KIAA0319: variants seen among roughly 807,000 people sequenced by gnomAD.
KIAA0319 encodes the protein KIAA0319, also known as dyslexia-associated protein KIAA0319.
In KIAA0319, 83 loss-of-function variants were observed where a neutral mutation model predicts 108.4. The observed-to-expected ratio is 0.77, with a 90% CI of 0.64 to 0.92. KIAA0319 has a LOEUF of 0.92. KIAA0319 is among the 40% of genes least tolerant of loss of function. The probability of loss-of-function intolerance (pLI) is 0.00; values close to 1 mark genes in which losing one functional copy is unlikely to be tolerated. For synonymous variants in KIAA0319, 484 were observed against 510.4 expected, an observed-to-expected ratio of 0.95 and a Z score of 0.70; for missense variants, 1,195 against 1,322.4, an observed-to-expected ratio of 0.90 and a Z score of 1.49.
intron 2 of KIAA0319, 28 bp from the exon 3 acceptor site, chr6:24,596,646 G>A (rs1178475201): frequency 6.4e-7 from 1 of 1,562,974 alleles, no homozygotes. Context: ...TCTAATGAGG[G>A]AGAGAGGCAT....
At chr6:24,605,900 G>A (rs7743901) in intron 1 of KIAA0319, among the ~76,000 whole-genome samples, 3,281 of 151,186 alleles carry the variant, frequency 0.022, 96 homozygotes, top group African/African-American at 0.069. Context: ...TCTGACATAG[G>A]TTTTTAAACA....
At chr6:24,591,330 A>G (rs1005358517) in intron 3 of KIAA0319, among the ~76,000 whole-genome samples, 1 of 152,194 alleles carries the variant, frequency 6.6e-6, no homozygotes, top group African/African-American at 2.4e-5. Flanking sequence ...CACTGGGGCC[A>G]GGCATAATTG....
chr6:24,602,538 C>T (rs867230140), intron 1 of KIAA0319, among the ~76,000 whole-genome samples: 2 of 152,174 alleles, frequency 1.3e-5, no homozygotes. Context: ...CGGTGGCTCA[C>T]GCCTGTAATC....
At chr6:24,541,349 A>G (rs1276682093), downstream of KIAA0319, among the ~76,000 whole-genome samples, 1 of 152,144 alleles carries the variant, frequency 6.6e-6, no homozygotes, top group Non-Finnish European at 1.5e-5. Flanking sequence ...TCTTCTTCTA[A>G]TAAGAAAACC....
At chr6:24,621,858 C>T (rs533430103) in intron 1 of KIAA0319, among the ~76,000 whole-genome samples, 2 of 152,284 alleles carry the variant, frequency 1.3e-5, no homozygotes, top group Admixed American at 6.5e-5. Context: ...AAGCCCTGAG[C>T]CAATGGATGC....
intron 1 of KIAA0319, among the ~76,000 whole-genome samples, chr6:24,604,370 G>A (rs998449661): frequency 6.6e-6 from 1 of 152,078 alleles, no homozygotes; most frequent in Non-Finnish European, 1.5e-5. Context: ...AAGGTGCTGG[G>A]GCCCAGAATA....
chr6:24,638,859 T>C (rs1776555342), intron 1 of KIAA0319, among the ~76,000 whole-genome samples: 1 of 152,200 alleles, frequency 6.6e-6, no homozygotes, highest in South Asian at 2.1e-4. Flanking sequence ...TAATTATAGT[T>C]AACAATCCTG....
chr6:24,553,161 C>T (rs1025533556), intron 19 of KIAA0319, among the ~76,000 whole-genome samples: 2 of 151,182 alleles, frequency 1.3e-5, no homozygotes, highest in Admixed American at 1.3e-4. Context: ...CAGGTGGATT[C>T]GATTATTGCT....
At chr6:24,594,238 A>G (rs1355751856) in intron 3 of KIAA0319, among the ~76,000 whole-genome samples, 3 of 103,726 alleles carry the variant, frequency 2.9e-5, no homozygotes, top group East Asian at 3.3e-4. Context: ...AAAAAAAAAA[A>G]AAAAAGAAAG....
At position 24,601,203 on chromosome 6, in the gene KIAA0319, C is replaced by A; in HGVS notation, c.-100G>T. ...GTTTTTTAGGAGCCAGATTTGGCCT[C>A]AAGAACTTCAAAGGAAAAACATAAA... On this transcript the variant is annotated 5_prime_UTR_variant, in exon 2 of 21. The change creates a premature stop within an existing upstream ORF in the 5' untranslated region. Coordinates refer to ENST00000378214, the MANE Select transcript of KIAA0319 (RefSeq NM_014809.4). The A allele has an allele frequency of 1.9e-6, 3 of 1,541,210 alleles. No homozygotes were observed. Among genetic ancestry groups the A allele is most frequent in the African/African-American group, 1.4e-5 (1 of 72,138 alleles).
At chr6:24,557,376 G>T (rs139255983) in intron 17 of KIAA0319, among the ~76,000 whole-genome samples, 1 of 151,924 alleles carries the variant, frequency 6.6e-6, no homozygotes, top group African/African-American at 2.4e-5. Context: ...GATGGTGTGC[G>T]CCTGTAATGC....
chr6:24,604,769 G>C (rs1582183980), intron 1 of KIAA0319, among the ~76,000 whole-genome samples: 1 of 152,130 alleles, frequency 6.6e-6, no homozygotes, highest in South Asian at 2.1e-4. Context: ...AACATTAAAA[G>C]GCATATGGAC....
At position 24,576,506 on chromosome 6, in the gene KIAA0319, A is replaced by G. The variant is rs780705783; in HGVS notation, c.1596T>C (p.Asn532=). ...AAGTTATGGTGTGATTTGGTCCTGC[A>G]TTAGCAACTGGTGGGTAGTCCACAG... ...NNAVDYPPVA[N]AGPNHTITLP... The change falls in exon 10 of 21, where the codon AAT becomes AAC. Residue 532 remains asparagine (N), a synonymous_variant. Transcript: ENST00000378214. 9 of 1,614,078 alleles carry G rather than the reference A, an allele frequency of 5.6e-6. No individual in the cohort carries two copies. Among genetic ancestry groups the G allele is most frequent in the Non-Finnish European group, 7.6e-6 (9 of 1,180,032 alleles).
intron 1 of KIAA0319, among the ~76,000 whole-genome samples, chr6:24,638,995 T>C (rs6456624): frequency 0.68 from 102,669 of 152,090 alleles, 35,382 homozygotes; most frequent in East Asian, 0.87. Flanking sequence ...TGGTTTGTGG[T>C]AGTCATTTCA....
intron 20 of KIAA0319, among the ~76,000 whole-genome samples, chr6:24,549,669 T>C (rs940544881): frequency 2.0e-5 from 3 of 152,206 alleles, no homozygotes; most frequent in Admixed American, 2.0e-4. Context: ...GGGATAATCA[T>C]TGCACATACC....
intron 19 of KIAA0319, among the ~76,000 whole-genome samples, chr6:24,553,273 A>G (rs1761778083): frequency 1.4e-5 from 1 of 70,276 alleles, no homozygotes; most frequent in South Asian, 5.9e-4. Flanking sequence ...CTTGTGAGAT[A>G]GATATATATA....
chr6:24,615,755 T>C (rs1773065624), intron 1 of KIAA0319, among the ~76,000 whole-genome samples: 1 of 152,198 alleles, frequency 6.6e-6, no homozygotes, highest in South Asian at 2.1e-4. Flanking sequence ...ATAATTTATA[T>C]CACTATTTCT....
At chr6:24,559,469 A>G (rs983404957) in intron 16 of KIAA0319, among the ~76,000 whole-genome samples, 7 of 152,204 alleles carry the variant, frequency 4.6e-5, no homozygotes, top group Non-Finnish European at 7.3e-5. Context: ...ACAAGAATGC[A>G]TCTATGTGCT....
intron 4 of KIAA0319, among the ~76,000 whole-genome samples, chr6:24,585,336 TAA>T (rs529068850): frequency 4.3e-5 from 6 of 141,056 alleles, no homozygotes; most frequent in African/African-American, 2.6e-5. Context: ...CTACAAAGAT[TAA>T]AAAAAAAAAA....
Sources: allele counts gnomAD v4.1 joint callset (sites outside exome capture counted in the v4.1 genomes callset), GRCh38; gene constraint gnomAD v4.1.1; transcripts MANE v1.5; gene names NCBI Gene and HGNC (gene_info 2026-07-23, HGNC 2026-07-21).